SH3PXD2B: variants seen among roughly 807,000 people sequenced by gnomAD.
SH3PXD2B encodes the protein SH3 and PX domain-containing protein 2B.
In SH3PXD2B, 37 loss-of-function variants were observed where a neutral mutation model predicts 73.1. The ratio of observed to expected loss-of-function variants is 0.51; its 90% CI spans 0.39 to 0.67. The LOEUF (loss-of-function observed/expected upper bound fraction) is 0.67, where lower values mean the gene tolerates loss of function less well. SH3PXD2B is among the 30% of genes least tolerant of loss of function. The pLI is 0.00. For synonymous variants in SH3PXD2B, 457 were observed against 480.5 expected, an observed-to-expected ratio of 0.95 and a Z score of 0.64; for missense variants, 1,053 against 1,197.8, an observed-to-expected ratio of 0.88 and a Z score of 1.78.
intron 2 of SH3PXD2B, among the ~76,000 whole-genome samples, chr5:172,419,559 G>A (rs1758909522): frequency 6.6e-6 from 1 of 152,150 alleles, no homozygotes; most frequent in Non-Finnish European, 1.5e-5. Context: ...GTGGGCCAGT[G>A]GGCAACTGCA....
intron 1 of SH3PXD2B, among the ~76,000 whole-genome samples, chr5:172,448,188 G>A (rs1310776084): frequency 6.6e-6 from 1 of 152,210 alleles, no homozygotes; most frequent in African/African-American, 2.4e-5. Flanking sequence ...AGCAGCATGG[G>A]CCCAGCCTGG....
At chr5:172,328,006 C>T (rs112707775) in intron 12 of SH3PXD2B, among the ~76,000 whole-genome samples, 2 of 151,674 alleles carry the variant, frequency 1.3e-5, no homozygotes, top group African/African-American at 2.4e-5. Flanking sequence ...CCACCCACTT[C>T]GGTTTCCCAA....
chr5:172,429,397 G>T (rs1759178863), intron 1 of SH3PXD2B, among the ~76,000 whole-genome samples: 1 of 152,160 alleles, frequency 6.6e-6, no homozygotes, highest in South Asian at 2.1e-4. Flanking sequence ...CCACAACTGG[G>T]GTTAGAGAGT....
chr5:172,385,876 G>A (rs950234549), intron 4 of SH3PXD2B, among the ~76,000 whole-genome samples: 3 of 152,220 alleles, frequency 2.0e-5, no homozygotes, highest in African/African-American at 7.2e-5. Flanking sequence ...GATGGACTTG[G>A]CTACCAGTAA....
At chr5:172,400,845 G>C (rs1191781884) in intron 3 of SH3PXD2B, among the ~76,000 whole-genome samples, 1 of 152,202 alleles carries the variant, frequency 6.6e-6, no homozygotes. Context: ...GGCTCGAGAA[G>C]GAATCTGCAT....
chr5:172,390,417 C>T (rs1358281510), intron 4 of SH3PXD2B, among the ~76,000 whole-genome samples: 1 of 152,226 alleles, frequency 6.6e-6, no homozygotes, highest in African/African-American at 2.4e-5. Flanking sequence ...TGGAGTCTTG[C>T]TCTGTCACCC....
At chr5:172,394,932 C>G (rs1351566233) in intron 3 of SH3PXD2B, among the ~76,000 whole-genome samples, 1 of 152,184 alleles carries the variant, frequency 6.6e-6, no homozygotes, top group Non-Finnish European at 1.5e-5. Flanking sequence ...GCCGCTCCTA[C>G]CTGATGAAGA....
chr5:172,387,108 A>C (rs972905449), intron 4 of SH3PXD2B, among the ~76,000 whole-genome samples: 3 of 152,188 alleles, frequency 2.0e-5, no homozygotes, highest in Non-Finnish European at 2.9e-5. Context: ...GAATTCCAGA[A>C]GGGAAGTCTC....
chr5:172,437,806 G>A (rs1759429120), intron 1 of SH3PXD2B, among the ~76,000 whole-genome samples: 1 of 152,206 alleles, frequency 6.6e-6, no homozygotes, highest in African/African-American at 2.4e-5. Context: ...GGCACGCAGC[G>A]AAGGCTCAGG....
chr5:172,407,205 G>A (rs1758580530), intron 2 of SH3PXD2B, among the ~76,000 whole-genome samples: 1 of 152,188 alleles, frequency 6.6e-6, no homozygotes, highest in Non-Finnish European at 1.5e-5. Flanking sequence ...AGTCATTAAC[G>A]CTGTTGTCAA....
chr5:172,385,406 G>A (rs1758037921), intron 4 of SH3PXD2B, among the ~76,000 whole-genome samples: 1 of 152,220 alleles, frequency 6.6e-6, no homozygotes. Flanking sequence ...GGGAAATGGA[G>A]GCTCTGTTGA....
At chr5:172,380,594 C>T (rs1369181554) in intron 5 of SH3PXD2B, among the ~76,000 whole-genome samples, 1 of 152,190 alleles carries the variant, frequency 6.6e-6, no homozygotes, top group Non-Finnish European at 1.5e-5. Context: ...GCCAAAGACA[C>T]TAAGAACAAA....
chr5:172,381,784 C>T (rs1048275646), intron 5 of SH3PXD2B, among the ~76,000 whole-genome samples: 3 of 152,296 alleles, frequency 2.0e-5, no homozygotes, highest in South Asian at 4.1e-4. Flanking sequence ...CGACACACCT[C>T]GATAAGTGCT....
intron 1 of SH3PXD2B, among the ~76,000 whole-genome samples, chr5:172,437,840 G>A (rs79967046): frequency 0.022 from 3,365 of 152,228 alleles, 131 homozygotes; most frequent in African/African-American, 0.076. Flanking sequence ...TGAGGGCTCC[G>A]CTTATCCCTG....
chr5:172,380,571 A>T (rs1361866087), intron 5 of SH3PXD2B, among the ~76,000 whole-genome samples: 1 of 152,232 alleles, frequency 6.6e-6, no homozygotes, highest in African/African-American at 2.4e-5. Context: ...GGAAATGCTT[A>T]CCAGACACCA....
chr5:172,379,166 C>T (rs1222624609), intron 5 of SH3PXD2B, among the ~76,000 whole-genome samples: 1 of 150,494 alleles, frequency 6.6e-6, no homozygotes, highest in Non-Finnish European at 1.5e-5. Flanking sequence ...GAGATGGAGG[C>T]TTTAGGGGTA....
intron 7 of SH3PXD2B, among the ~76,000 whole-genome samples, chr5:172,361,594 C>T (rs554929399): frequency 2.0e-5 from 3 of 152,194 alleles, no homozygotes; most frequent in African/African-American, 7.2e-5. Flanking sequence ...GTGTCCTAGC[C>T]ACATCATACA....
intron 4 of SH3PXD2B, among the ~76,000 whole-genome samples, chr5:172,390,976 G>A (rs1487313730): frequency 6.6e-6 from 1 of 152,020 alleles, no homozygotes; most frequent in Non-Finnish European, 1.5e-5. Context: ...TGAGTAGCTG[G>A]GATTACAGGC....
intron 11 of SH3PXD2B, among the ~76,000 whole-genome samples, chr5:172,346,835 A>T (rs915148595): frequency 6.8e-6 from 1 of 146,126 alleles, no homozygotes; most frequent in Non-Finnish European, 1.5e-5. Context: ...GCAAACAAAT[A>T]AAAAAAACCC....
Sources: allele counts gnomAD v4.1 joint callset (sites outside exome capture counted in the v4.1 genomes callset), GRCh38; gene constraint gnomAD v4.1.1; transcripts MANE v1.5; gene names NCBI Gene and HGNC (gene_info 2026-07-23, HGNC 2026-07-21).